MARK2: variants seen among roughly 807,000 people sequenced by gnomAD.
The protein encoded by MARK2 is serine/threonine-protein kinase MARK2.
A neutral mutation model predicts 89.8 loss-of-function variants in MARK2; 16 were observed. That is an observed-to-expected ratio of 0.18 (90% CI 0.12 to 0.27). MARK2 has a LOEUF of 0.27. Ranked by LOEUF, MARK2 falls within the 10% of genes least tolerant of loss-of-function variation. The pLI, the probability that MARK2 is intolerant of heterozygous loss-of-function variation, is 1.00. For missense variants in MARK2, 621 were observed against 1,049.9 expected (o/e 0.59, Z 5.65); for synonymous variants, 382 against 399.5 (o/e 0.96, Z 0.52).
chr11:63,877,100 CTTTTTTTTTTTT>C (rs757123411), intron 1 of MARK2, among the ~76,000 whole-genome samples: 11 of 79,524 alleles, frequency 1.4e-4, no homozygotes, highest in South Asian at 9.9e-4. Context: ...CAATCAGACT[CTTTTTTTTTTTT>C]TTTTTTTTTT....
rs1461462778 is a variant in MARK2, at chr11:63,900,356, C to T, written c.769-203C>T. Among the ~76,000 whole-genome samples the T allele has an allele frequency of 6.6e-6, 1 of 152,186 alleles. No individual in the cohort carries two copies. Among genetic ancestry groups the T allele is most frequent in the Non-Finnish European group, 1.5e-5 (1 of 68,030 alleles). ...CCAAGGCACTCCGGATTGCAGGCCT[C>T]GGACTGGTCAAGTTAGAGGGTACGA... On this transcript the variant is annotated intron_variant, in intron 8 of 18. Transcript: ENST00000402010. This position sits in a 1 kb window ranked among gnomAD's most constrained non-coding sequence, Gnocchi z 4.7.
rs55767673 is a variant in MARK2, at chr11:63,908,300, C to T, written c.2002C>T (p.Leu668Phe). The change falls in exon 18 of 19, where the codon CTC becomes TTC. Residue 668 changes from leucine (L) to phenylalanine (F), a missense_variant. Transcript: ENST00000402010. ...EPESKDRVET[L>F]RPHVVGSGGN... ...TGAAAGCAAAGACCGAGTGGAGACGCTCAGGTGAGAGGGCTGGAGCCAGCA... is the reference window on the plus strand; with the variant it reads ...TGAAAGCAAAGACCGAGTGGAGACGTTCAGGTGAGAGGGCTGGAGCCAGCA... 2,888 of 1,562,728 alleles carry T rather than the reference C, an allele frequency of 1.8e-3. 7 individuals carry two copies. The highest frequency in any genetic ancestry group is 2.3e-3 in the Non-Finnish European group (2,659 of 1,152,808).
intron 1 of MARK2, among the ~76,000 whole-genome samples, chr11:63,844,642 T>C (rs1680180443): frequency 6.6e-6 from 1 of 152,196 alleles, no homozygotes; most frequent in Non-Finnish European, 1.5e-5. Context: ...GGGCTGGAGA[T>C]TTTTCTCAGC....
intron 17 of MARK2, among the ~76,000 whole-genome samples, chr11:63,906,714 C>T (rs1941366878): frequency 6.6e-6 from 1 of 151,906 alleles, no homozygotes; most frequent in South Asian, 2.1e-4. Flanking sequence ...ACCCTGGGGC[C>T]CCAAGGTTTC....
chr11:63,881,129 T>A (rs927142560), intron 1 of MARK2, among the ~76,000 whole-genome samples: 2 of 149,174 alleles, frequency 1.3e-5, no homozygotes, highest in African/African-American at 5.0e-5. Context: ...CATGGTGAAA[T>A]CCCGTCTACT....
chr11:63,888,696 C>T, intron 1 of MARK2: 1 of 1,186,396 alleles, frequency 8.4e-7, no homozygotes, highest in South Asian at 1.6e-5. Flanking sequence ...CAAACCCAGT[C>T]TCTCTGCTAG....
At chr11:63,906,599 G>C (rs1941357099) in intron 17 of MARK2, among the ~76,000 whole-genome samples, 1 of 151,704 alleles carries the variant, frequency 6.6e-6, no homozygotes, top group Admixed American at 6.6e-5. Context: ...AAGTGCATCT[G>C]GGATGGTATC....
intron 1 of MARK2, chr11:63,868,508 G>C (rs1187191278): frequency 3.2e-6 from 1 of 310,116 alleles, no homozygotes; most frequent in African/African-American, 2.2e-5. Context: ...ACAGAGAAGT[G>C]CTTTTTCAGG....
At chr11:63,862,093 T>C (rs1937837667) in intron 1 of MARK2, among the ~76,000 whole-genome samples, 1 of 151,936 alleles carries the variant, frequency 6.6e-6, no homozygotes, top group Non-Finnish European at 1.5e-5. Flanking sequence ...CCGGCTAATA[T>C]TTTGTATTTC....
rs576590612 is a variant in MARK2, at chr11:63,903,724, A to C, written c.1515-262A>C. ...TAGGAGGCCAGTGCAGCCTGGAGGC[A>C]GCGGCCCCTTGTCTGCTCTCCTTCA... On this transcript the variant is annotated intron_variant, in intron 14 of 18. Transcript: ENST00000402010. This position sits in a 1 kb window ranked among gnomAD's most constrained non-coding sequence, Gnocchi z 5.1. Among the ~76,000 whole-genome samples, 1 of 152,174 alleles carries C rather than the reference A, an allele frequency of 6.6e-6. No individual in the cohort carries two copies. The highest frequency in any genetic ancestry group is 1.5e-5 in the Non-Finnish European group (1 of 68,018).
In MARK2 at chr11:63,908,864, G is replaced by A. The variant is rs765770831; in HGVS notation, c.2007-13G>A. ...CAGCCCCCCCGTGACGCCCGCCTCT[G>A]CCCTCTCCACAGACCTCACGTGGTG... On this transcript the variant is annotated splice_polypyrimidine_tract_variant and intron_variant, in intron 18 of 18. Coordinates refer to ENST00000402010, the MANE Select transcript of MARK2 (RefSeq NM_001039469.3). 1 of 1,473,792 alleles carries A rather than the reference G, an allele frequency of 6.8e-7. No individual in the cohort carries two copies. Among genetic ancestry groups the A allele is most frequent in the Non-Finnish European group, 9.0e-7 (1 of 1,109,354 alleles). 91.3% of individuals were successfully genotyped at this position (1,473,792 alleles called of 1,614,324 possible).
chr11:63,902,576 C>T lies in MARK2; in HGVS notation c.1235-25C>T, dbSNP rs773238371. On this transcript the variant is annotated intron_variant, in intron 12 of 18. Transcript: ENST00000402010. The surrounding 1 kb of genome is among the most constrained non-coding windows in gnomAD (Gnocchi z 4.2). ...ACTCAGTGGACCCCTTGGCCTTACC[C>T]ATTCCCATCCTCCCTCTGGCCCAGC... 1.9e-5 allele frequency: 31 copies of T among 1,606,888 alleles called. No homozygotes were observed. In the South Asian group the frequency reaches 3.3e-4, roughly 17 times the overall value.
intron 1 of MARK2, among the ~76,000 whole-genome samples, chr11:63,843,145 T>G (rs2135189726): frequency 6.6e-6 from 1 of 152,298 alleles, no homozygotes; most frequent in Admixed American, 6.5e-5. Flanking sequence ...CTTGGGGGAT[T>G]CTTAGTTTGT....
intron 4 of MARK2, 33 bp downstream of exon 4, chr11:63,898,313 C>A: frequency 6.3e-7 from 1 of 1,597,592 alleles, no homozygotes; most frequent in Non-Finnish European, 8.6e-7. Flanking sequence ...TTCTTCTTCC[C>A]CAACAGCAAG....
intron 2 of MARK2, 67 bp from the exon 3 acceptor site, chr11:63,895,513 A>G: frequency 6.8e-7 from 1 of 1,480,556 alleles, no homozygotes; most frequent in Non-Finnish European, 9.4e-7. Context: ...TAAAGGAGGA[A>G]GTAGATTGGA....
chr11:63,842,057 A>G (rs541217827), intron 1 of MARK2, among the ~76,000 whole-genome samples: 16 of 151,446 alleles, frequency 1.1e-4, no homozygotes, highest in Admixed American at 5.9e-4. Flanking sequence ...TCCTATTTCT[A>G]CTCTTTATGG....
intron 1 of MARK2, among the ~76,000 whole-genome samples, chr11:63,842,991 C>G (rs2016096657): frequency 6.6e-6 from 1 of 151,022 alleles, no homozygotes; most frequent in Non-Finnish European, 1.5e-5. Flanking sequence ...TCGCTTATAA[C>G]AGTGAAAGTA....
At chr11:63,845,541 T>G (rs2016235156) in intron 1 of MARK2, among the ~76,000 whole-genome samples, 1 of 152,138 alleles carries the variant, frequency 6.6e-6, no homozygotes, top group Non-Finnish European at 1.5e-5. Context: ...TCTATGCATT[T>G]TCTCCCTTCT....
At chr11:63,840,308 G>T (rs1279486126) in intron 1 of MARK2, among the ~76,000 whole-genome samples, 1 of 152,046 alleles carries the variant, frequency 6.6e-6, no homozygotes, top group Non-Finnish European at 1.5e-5. Context: ...TTGCGTTTGG[G>T]GTTCCAATCA....
Sources: allele counts gnomAD v4.1 joint callset (sites outside exome capture counted in the v4.1 genomes callset), GRCh38; gene constraint gnomAD v4.1.1; non-coding constraint Gnocchi (gnomAD v3.1); transcripts MANE v1.5; gene names NCBI Gene and HGNC (gene_info 2026-07-23, HGNC 2026-07-21).